Variants in SNX29 observed in about 807,000 individuals in gnomAD.
The protein encoded by SNX29 is sorting nexin-29.
SNX29 carries 78 observed loss-of-function variants against 102.1 expected under a neutral mutation model. That is an observed-to-expected ratio of 0.76 (90% CI 0.64 to 0.92). The LOEUF (loss-of-function observed/expected upper bound fraction) is 0.92, where lower values mean the gene tolerates loss of function less well. SNX29 is among the 40% of genes least tolerant of loss of function. The pLI is 0.00. For missense variants in SNX29, 1,280 were observed against 1,061.7 expected (o/e 1.21, Z -2.86); for synonymous variants, 580 against 414.5 (o/e 1.40, Z -4.85).
At chr16:12,349,443 T>C (rs2081931273) in intron 15 of SNX29, among the ~76,000 whole-genome samples, 1 of 152,210 alleles carries the variant, frequency 6.6e-6, no homozygotes, top group Non-Finnish European at 1.5e-5. Flanking sequence ...TGTAAGACAA[T>C]GTACAGGTTG....
chr16:12,063,592 T>G (rs1354258817), intron 9 of SNX29, among the ~76,000 whole-genome samples: 1 of 152,044 alleles, frequency 6.6e-6, no homozygotes, highest in Non-Finnish European at 1.5e-5. Context: ...TTGGCCAGAC[T>G]GATCTCAAAC....
intron 18 of SNX29, among the ~76,000 whole-genome samples, chr16:12,466,395 TC>T (rs1337280940): frequency 6.6e-6 from 1 of 152,156 alleles, no homozygotes; most frequent in Non-Finnish European, 1.5e-5. Context: ...TTTAGAAAAG[TC>T]CCATTTATAA....
intron 18 of SNX29, among the ~76,000 whole-genome samples, chr16:12,467,849 C>G (rs1310818447): frequency 6.6e-6 from 1 of 152,140 alleles, no homozygotes; most frequent in Non-Finnish European, 1.5e-5. Context: ...GTGCTGGGGT[C>G]AGCACTGACA....
At chr16:12,549,467 C>T (rs566306543) in intron 20 of SNX29, among the ~76,000 whole-genome samples, 22 of 148,362 alleles carry the variant, frequency 1.5e-4, no homozygotes, top group Non-Finnish European at 1.9e-4. Context: ...TGAACTCCAG[C>T]GTGGGCAACA....
chr16:12,546,784 A>C (rs893813621), intron 20 of SNX29: 1 of 152,246 alleles, frequency 6.6e-6, no homozygotes, highest in Admixed American at 6.5e-5. Flanking sequence ...CAACAAAGGA[A>C]ATTTTAAATA....
At chr16:12,054,175 C>T (rs1008798646) in intron 8 of SNX29, among the ~76,000 whole-genome samples, 2 of 152,178 alleles carry the variant, frequency 1.3e-5, no homozygotes, top group African/African-American at 4.8e-5. Context: ...ACCCTGTTAG[C>T]CGGGATGGTC....
At chr16:12,335,925 G>A (rs552934333) in intron 15 of SNX29, among the ~76,000 whole-genome samples, 1 of 151,910 alleles carries the variant, frequency 6.6e-6, no homozygotes, top group East Asian at 2.0e-4. Context: ...TTTGAACCCA[G>A]GCAGTTGGAC....
intron 2 of SNX29, among the ~76,000 whole-genome samples, chr16:12,002,464 G>C (rs2056321405): frequency 6.7e-6 from 1 of 148,462 alleles, no homozygotes; most frequent in African/African-American, 2.5e-5. Context: ...AAAAAAAAAA[G>C]GAGTAGCCTG....
At chr16:12,409,421 C>CTTTTTTTTTTT (rs71139589) in intron 18 of SNX29, among the ~76,000 whole-genome samples, 4 of 89,638 alleles carry the variant, frequency 4.5e-5, no homozygotes, top group African/African-American at 1.8e-4. Context: ...GATTCACTGT[C>CTTTTTTTTTTT]TTTTTTTTTT....
chr16:12,450,833 C>T (rs1219072832), intron 18 of SNX29, among the ~76,000 whole-genome samples: 3 of 152,016 alleles, frequency 2.0e-5, no homozygotes, highest in Non-Finnish European at 2.9e-5. Context: ...ATTTGGAGGT[C>T]CTGGCAAGTA....
chr16:12,001,475 C>T (rs1377298064), intron 2 of SNX29, among the ~76,000 whole-genome samples: 1 of 151,898 alleles, frequency 6.6e-6, no homozygotes, highest in African/African-American at 2.4e-5. Flanking sequence ...TTGCATATGA[C>T]TTTTTTTGCA....
intron 18 of SNX29, among the ~76,000 whole-genome samples, chr16:12,428,971 G>A (rs535519353): frequency 2.0e-5 from 3 of 152,088 alleles, no homozygotes; most frequent in Admixed American, 6.5e-5. Context: ...ACACAGATAC[G>A]ATTGCGATTA....
At position 12,568,794 on chromosome 16, in the gene SNX29, C is replaced by G. The variant is rs1363214738; in HGVS notation, c.*165C>G. ...CAACACCCCGATTAAACTAATCAGT[C>G]TTCGAGCCGCATGATACCGTGACCC... is the stretch of plus-strand genomic sequence containing the variant. On this transcript the variant is annotated 3_prime_UTR_variant, in exon 21 of 21. Coordinates refer to ENST00000566228, the MANE Select transcript of SNX29 (RefSeq NM_032167.5). 1.8e-6 allele frequency: 2 copies of G among 1,102,850 alleles called. No individual in the cohort carries two copies. Among genetic ancestry groups the G allele is most frequent in the East Asian group, 2.6e-5 (1 of 38,240 alleles). 68.3% of individuals were successfully genotyped at this position (1,102,850 alleles called of 1,614,324 possible). A position where few individuals can be genotyped will look rare whatever the true frequency, so the allele number is the denominator to read the frequency against.
intron 20 of SNX29, among the ~76,000 whole-genome samples, chr16:12,567,036 A>G (rs748533137): frequency 2.6e-4 from 39 of 152,228 alleles, no homozygotes; most frequent in Non-Finnish European, 4.4e-4. Context: ...TTCACTCCTG[A>G]GATACATGAA....
At chr16:12,545,885 T>TG (rs1177174911) in intron 20 of SNX29, among the ~76,000 whole-genome samples, 1 of 152,042 alleles carries the variant, frequency 6.6e-6, no homozygotes, top group East Asian at 1.9e-4. Flanking sequence ...CCGTGGGCAT[T>TG]GGGGTGGGGT....
chr16:12,367,135 G>C (rs1172506752), intron 16 of SNX29: 1 of 152,174 alleles, frequency 6.6e-6, no homozygotes, highest in Admixed American at 6.5e-5. Context: ...CCTGATGAGT[G>C]TTTCTGGAGC....
At chr16:12,297,552 G>C (rs2080023062) in intron 15 of SNX29, among the ~76,000 whole-genome samples, 1 of 151,820 alleles carries the variant, frequency 6.6e-6, no homozygotes, top group Admixed American at 6.6e-5. Flanking sequence ...TGCTAAGAGA[G>C]ATCTGAGGTG....
At chr16:11,998,712 T>C (rs1418999783) in intron 1 of SNX29, among the ~76,000 whole-genome samples, 3 of 152,196 alleles carry the variant, frequency 2.0e-5, no homozygotes, top group African/African-American at 7.2e-5. Context: ...CCCAGAACTT[T>C]GGGAGCCACT....
intron 16 of SNX29, among the ~76,000 whole-genome samples, chr16:12,360,002 T>A (rs1428037039): frequency 1.3e-5 from 2 of 152,196 alleles, no homozygotes; most frequent in East Asian, 1.9e-4. Flanking sequence ...TTTTGTATTT[T>A]TAGTAGAGAC....
Sources: gnomAD v4.1 joint callset for allele counts (sites outside exome capture counted in the v4.1 genomes callset) on GRCh38, gnomAD v4.1.1 for gene constraint, MANE v1.5 for transcripts, NCBI Gene and HGNC (gene_info 2026-07-23, HGNC 2026-07-21) for gene names.